MARCHF1: variants seen among roughly 807,000 people sequenced by gnomAD.
MARCHF1 encodes E3 ubiquitin-protein ligase MARCHF1.
MARCHF1 carries 40 observed loss-of-function variants against 54.2 expected under a neutral mutation model. The observed-to-expected ratio is 0.74, with a 90% CI of 0.57 to 0.96. MARCHF1 has a LOEUF of 0.96. MARCHF1 is among the 40% of genes least tolerant of loss of function. The pLI is 0.00. For missense variants in MARCHF1, 586 were observed against 656.5 expected, an observed-to-expected ratio of 0.89 and a Z score of 1.17; for synonymous variants, 236 against 236.3, an observed-to-expected ratio of 1.00 and a Z score of 0.01.
intron 4 of MARCHF1, among the ~76,000 whole-genome samples, chr4:163,819,600 C>T (rs1447334700): frequency 6.6e-6 from 1 of 152,106 alleles, no homozygotes; most frequent in Non-Finnish European, 1.5e-5. Flanking sequence ...TTCTGACACC[C>T]TCCTACCTCT....
intron 8 of MARCHF1, among the ~76,000 whole-genome samples, chr4:163,545,981 G>A (rs1415713890): frequency 7.4e-6 from 1 of 134,618 alleles, no homozygotes; most frequent in African/African-American, 2.7e-5. Flanking sequence ...GTGTGTGTGT[G>A]TGTATTTTTT....
intron 1 of MARCHF1, among the ~76,000 whole-genome samples, chr4:164,147,513 G>C (rs145958578): frequency 8.9e-6 from 1 of 112,852 alleles, no homozygotes; most frequent in Admixed American, 9.6e-5. Context: ...ATGAGTTCAT[G>C]TCCTTTGTAG....
rs1277509177 is a variant in MARCHF1 at position 164,038,310 on chromosome 4, G to A, written c.-247-49601C>T. Among the ~76,000 whole-genome samples the A allele has an allele frequency of 3.9e-5, 6 of 152,174 alleles. No individual in the cohort carries two copies. In the East Asian group the frequency reaches 5.8e-4, roughly 15 times the overall value. On this transcript the variant is annotated intron_variant, in intron 2 of 9. Transcript: ENST00000514618. ...AGATCGAGACCATCCTGGCTAACAC[G>A]GTGAAATCCTGTCTCTACTAAAAAT...
intron 3 of MARCHF1, among the ~76,000 whole-genome samples, chr4:163,965,509 G>T (rs1227053401): frequency 2.6e-5 from 4 of 152,056 alleles, no homozygotes; most frequent in Admixed American, 6.6e-5. Context: ...GGTTCCTTAT[G>T]GACTAAACTG....
intron 3 of MARCHF1, among the ~76,000 whole-genome samples, chr4:163,953,046 C>G (rs1752164317): frequency 6.6e-6 from 1 of 152,090 alleles, no homozygotes; most frequent in Non-Finnish European, 1.5e-5. Context: ...CAGAAGTGGT[C>G]ATTCACCTGC....
chr4:164,109,485 A>T (rs1755783949), intron 2 of MARCHF1, among the ~76,000 whole-genome samples: 1 of 152,040 alleles, frequency 6.6e-6, no homozygotes, highest in South Asian at 2.1e-4. Context: ...CATGAAGAAG[A>T]ATAATTATCT....
intron 5 of MARCHF1, among the ~76,000 whole-genome samples, chr4:163,694,019 A>C (rs1450509685): frequency 1.3e-4 from 20 of 152,196 alleles, no homozygotes; most frequent in Admixed American, 1.3e-3. Context: ...TCAAGAATGA[A>C]GGATATTTGG....
chr4:164,015,902 A>C (rs6854007), intron 2 of MARCHF1, among the ~76,000 whole-genome samples: 14,530 of 145,652 alleles, frequency 0.1, 1,231 homozygotes, highest in East Asian at 0.36. Context: ...AGTTTCCCCA[A>C]AAAAAAAAAA....
intron 4 of MARCHF1, among the ~76,000 whole-genome samples, chr4:163,813,831 T>C (rs1278600656): frequency 6.6e-6 from 1 of 152,122 alleles, no homozygotes; most frequent in Non-Finnish European, 1.5e-5. Context: ...CTTGCATGTC[T>C]GACATAACGT....
chr4:163,807,153 T>C (rs1404109339), intron 4 of MARCHF1, among the ~76,000 whole-genome samples: 1 of 152,106 alleles, frequency 6.6e-6, no homozygotes, highest in African/African-American at 2.4e-5. Context: ...GCTTATAAAA[T>C]TGGTGAAGAG....
intron 4 of MARCHF1, among the ~76,000 whole-genome samples, chr4:163,815,054 T>G (rs962554609): frequency 6.6e-6 from 1 of 152,184 alleles, no homozygotes; most frequent in African/African-American, 2.4e-5. Flanking sequence ...TTTGTTTATC[T>G]AGAAAGTAAA....
At chr4:164,188,688 A>G in intron 1 of MARCHF1, 1 of 1,095,542 alleles carries the variant, frequency 9.1e-7, no homozygotes, top group Non-Finnish European at 1.4e-6. Context: ...CGCACGTGGA[A>G]CGACCTGTCT....
chr4:163,882,816 A>G (rs1750446127), intron 3 of MARCHF1, among the ~76,000 whole-genome samples: 1 of 152,054 alleles, frequency 6.6e-6, no homozygotes, highest in African/African-American at 2.4e-5. Flanking sequence ...AAAAAATACA[A>G]AAAATTATCA....
chr4:164,339,974 T>C (rs548032468), intron 1 of MARCHF1, among the ~76,000 whole-genome samples: 1 of 152,188 alleles, frequency 6.6e-6, no homozygotes, highest in South Asian at 2.1e-4. Flanking sequence ...AATGGATAAC[T>C]TCCTAGATAT....
chr4:163,828,022 C>T (rs1196005793), intron 4 of MARCHF1, among the ~76,000 whole-genome samples: 1 of 91,014 alleles, frequency 1.1e-5, no homozygotes, highest in African/African-American at 3.1e-5. Context: ...CATACACACA[C>T]ACACACACAC....
intron 1 of MARCHF1, among the ~76,000 whole-genome samples, chr4:164,227,530 G>A (rs1732292433): frequency 6.6e-6 from 1 of 152,124 alleles, no homozygotes; most frequent in African/African-American, 2.4e-5. Flanking sequence ...CTATGCTAAA[G>A]TTTGGGGGTG....
intron 1 of MARCHF1, among the ~76,000 whole-genome samples, chr4:164,222,223 CT>C (rs770447528): frequency 0.014 from 1,985 of 142,128 alleles, 3 homozygotes; most frequent in African/African-American, 0.022. Flanking sequence ...CTGTCAACAC[CT>C]TTTTTTTTTT....
At chr4:163,689,415 T>C (rs113153167) in intron 5 of MARCHF1, among the ~76,000 whole-genome samples, 12 of 152,254 alleles carry the variant, frequency 7.9e-5, no homozygotes, top group African/African-American at 2.9e-4. Flanking sequence ...GATAGAACTT[T>C]CTGTGATGAT....
chr4:163,566,239 C>T (rs1479402106), intron 8 of MARCHF1, among the ~76,000 whole-genome samples: 1 of 152,198 alleles, frequency 6.6e-6, no homozygotes, highest in African/African-American at 2.4e-5. Context: ...TCGCATGCTG[C>T]GACCCATTGG....
Sources: allele counts gnomAD v4.1 joint callset (sites outside exome capture counted in the v4.1 genomes callset), GRCh38; gene constraint gnomAD v4.1.1; transcripts MANE v1.5; gene names NCBI Gene and HGNC (gene_info 2026-07-23, HGNC 2026-07-21).